FLNA: variants seen among roughly 807,000 people sequenced by gnomAD.
FLNA encodes the protein filamin A.
In FLNA, 7 loss-of-function variants were observed where a neutral mutation model predicts 157.6. The ratio of observed to expected loss-of-function variants is 0.04; its 90% CI spans 0.03 to 0.08. FLNA has a LOEUF of 0.08. Among genes scored for constraint, FLNA ranks in the 10% least tolerant of loss-of-function variants. The pLI, the probability that FLNA is intolerant of heterozygous loss-of-function variation, is 1.00. For synonymous variants in FLNA, 1,103 were observed against 1,060.8 expected (o/e 1.04, Z -0.77); for missense variants, 1,750 against 2,398.4 (o/e 0.73, Z 5.65).
At chrX:154,367,363 G>T (rs782566665) in intron 5 of FLNA, 34 bp downstream of exon 5, 4 of 1,202,149 alleles carry the variant, frequency 3.3e-6, no homozygotes, top group Non-Finnish European at 1.1e-6. Context: ...GAAGACGTTG[G>T]CACACGGGTG....
rs2067643018 is a variant in FLNA at position 154,354,002 on chromosome X, G to A, written c.5599C>T (p.His1867Tyr). 3 of 1,211,794 alleles carry A rather than the reference G, an allele frequency of 2.5e-6. No individual in the cohort carries two copies. The highest frequency in any genetic ancestry group is 2.2e-6 in the Non-Finnish European group (2 of 895,332). The part of the protein sequence containing the change: ...QFYVDYVNCG[H>Y]VTAYGPGLTH... ...AGGCCAGGCCCATAGGCAGTGACAT[G>A]GCCACAGTTGACGTAATCCACATAG... The change falls in exon 35 of 48, where the codon CAT (histidine) becomes TAT (tyrosine). Residue 1867 changes from histidine to tyrosine, a missense_variant. Coordinates refer to ENST00000369850, the MANE Select transcript of FLNA (RefSeq NM_001110556.2).
chrX:154,369,366 G>C (rs1261510882), intron 2 of FLNA, among the ~76,000 whole-genome samples: 1 of 111,869 alleles, frequency 8.9e-6, no homozygotes, highest in Non-Finnish European at 1.9e-5. Context: ...ACCCCTCAAC[G>C]ACCCCCACAC....
chrX:154,373,472 G>A (rs960160109), intron 1 of FLNA, among the ~76,000 whole-genome samples: 3 of 112,425 alleles, frequency 2.7e-5, no homozygotes, highest in Admixed American at 9.4e-5. Flanking sequence ...GATGTCGCCC[G>A]ATCCCAAAGC....
chrX:154,351,976 G>A lies in FLNA; in HGVS notation c.6815C>T (p.Ala2272Val), dbSNP rs2148103538. 8.3e-7 allele frequency: 1 copy of A among 1,211,227 alleles called. No homozygotes were observed. Among genetic ancestry groups the A allele is most frequent in the Non-Finnish European group, 1.1e-6 (1 of 895,095 alleles). The change falls in exon 42 of 48, where the codon GCC becomes GTC. Residue 2272 changes from alanine (A) to valine (V), a missense_variant. Physicochemically the swap from Ala to Val is moderately conservative, Grantham distance 64. Around this residue, in one of 5 missense-constraint regions of FLNA, gnomAD observed 970 missense variants for 1,302.6 expected, o/e 0.74. Coordinates refer to ENST00000369850, the MANE Select transcript of FLNA (RefSeq NM_001110556.2). Reference sequence around the variant, plus strand: ...CTTGCTGGGGCCCTCGACAGCAATGGCCAGGCCTCCAGCACCAGCTTCCCG... The same window carrying A: ...CTTGCTGGGGCCCTCGACAGCAATGACCAGGCCTCCAGCACCAGCTTCCCG... ...WTREAGAGGL[A>V]IAVEGPSKAE...
In FLNA at chrX:154,355,081, G is replaced by T. The variant is rs1557176665; in HGVS notation, c.4970-9C>A. 8.3e-7 allele frequency: 1 copy of T among 1,200,820 alleles called. No individual in the cohort carries two copies. Among genetic ancestry groups the T allele is most frequent in the Admixed American group, 2.2e-5 (1 of 45,824 alleles). On this transcript the variant is annotated splice_polypyrimidine_tract_variant and intron_variant, in intron 30 of 47. Coordinates refer to ENST00000369850, the MANE Select transcript of FLNA (RefSeq NM_001110556.2). ...GGGGCCGATGCCAGCACCTGGTGGG[G>T]CAGGGTGGGTCCCCAAAGGGGGGCC...
intron 30 of FLNA, 142 bp downstream of exon 30, chrX:154,357,109 G>A (rs1421579123): frequency 4.6e-5 from 26 of 567,159 alleles, no homozygotes; most frequent in East Asian, 2.2e-4. Context: ...TCCAGCCCAC[G>A]GCCTCATCTT....
At chrX:154,363,934 T>C in intron 15 of FLNA, 88 bp downstream of exon 15, 1 of 1,010,030 alleles carries the variant, frequency 9.9e-7, no homozygotes, top group Non-Finnish European at 1.4e-6. Context: ...GGAGTCAGGA[T>C]GGTGTGCCAC....
rs2067618488 is a variant in FLNA, at chrX:154,351,467, C to G, written c.7023+114G>C. The G allele has an allele frequency of 2.1e-5, 11 of 534,530 alleles. No individual in the cohort carries two copies. In the East Asian group the frequency reaches 4.0e-4, roughly 19 times the overall value. The allele number at this position is 534,530 out of a possible 1,213,427, so 44.1% of individuals were successfully genotyped here. ...CCCGGCCAGAGCAGAGGCCTGGAAC[C>G]CAGAGCTGGGCCAGGGGGGTCACTG... On this transcript the variant is annotated intron_variant, in intron 43 of 47. Transcript: ENST00000369850.
intron 30 of FLNA, 116 bp from the exon 31 acceptor site, chrX:154,355,188 G>T: frequency 1.3e-6 from 1 of 788,694 alleles, no homozygotes; most frequent in Non-Finnish European, 1.8e-6. Context: ...AGCACAGCCA[G>T]GCCGCCAGGC....
chrX:154,354,803 C>A lies in FLNA; in HGVS notation c.5217+22G>T, dbSNP rs782465982. On this transcript the variant is annotated intron_variant, in intron 31 of 47. Coordinates refer to ENST00000369850, the MANE Select transcript of FLNA (RefSeq NM_001110556.2). ...GGGACCTGCCAGACACCCCTGCTGACCTACCCCCCACCCCTCCTCACCGTC... is the reference window on the plus strand; with the variant it reads ...GGGACCTGCCAGACACCCCTGCTGAACTACCCCCCACCCCTCCTCACCGTC... 10 of 1,210,465 alleles carry A rather than the reference C, an allele frequency of 8.3e-6. No individual in the cohort carries two copies. The South Asian group carries it at 1.6e-4, about 19-fold the overall frequency.
In FLNA at chrX:154,366,868, G is replaced by A. The variant is rs2067766308; in HGVS notation, c.869-18C>T. 1 of 1,147,874 alleles carries A rather than the reference G, an allele frequency of 8.7e-7. No individual in the cohort carries two copies. Among genetic ancestry groups the A allele is most frequent in the African/African-American group, 1.8e-5 (1 of 56,175 alleles). The allele number at this position is 1,147,874 out of a possible 1,213,427, so 94.6% of individuals were successfully genotyped here. A position where few individuals can be genotyped will look rare whatever the true frequency, so the allele number is the denominator to read the frequency against. ...CTCGATGCCTGGCAGGGGAAGGCGA[G>A]CCAACCACGGGCCAGCTGTTAAGGC... On this transcript the variant is annotated intron_variant, in intron 5 of 47. Coordinates refer to ENST00000369850, the MANE Select transcript of FLNA (RefSeq NM_001110556.2).
intron 1 of FLNA, among the ~76,000 whole-genome samples, chrX:154,372,728 GT>G (rs59074156): frequency 0.23 from 22,311 of 98,102 alleles, 2,059 homozygotes; most frequent in South Asian, 0.52. Context: ...TCCTCTGAGT[GT>G]TTTTTTTTTT....
At chrX:154,349,124 C>T (rs1386856104) in intron 47 of FLNA, 88 bp from the exon 48 acceptor site, 6 of 974,808 alleles carry the variant, frequency 6.2e-6, no homozygotes, top group Non-Finnish European at 7.1e-6. Flanking sequence ...TAAGCCAGTT[C>T]TGGGGTGACA....
chrX:154,352,522 G>A, intron 40 of FLNA, 31 bp downstream of exon 40: 1 of 1,211,369 alleles, frequency 8.3e-7, no homozygotes, highest in Non-Finnish European at 1.1e-6. Context: ...TGAGCCCCAG[G>A]ACCCCTCCCC....
chrX:154,367,364 C>T (rs371025522), intron 5 of FLNA, 33 bp downstream of exon 5: 35 of 1,203,905 alleles, frequency 2.9e-5, no homozygotes, highest in Non-Finnish European at 3.7e-5. Context: ...AAGACGTTGG[C>T]ACACGGGTGC....
chrX:154,370,178 A>G (rs2067794110), intron 2 of FLNA, among the ~76,000 whole-genome samples: 1 of 112,400 alleles, frequency 8.9e-6, no homozygotes, highest in Non-Finnish European at 1.9e-5. Context: ...CAAGGCCTAC[A>G]TGGAAGCAAG....
chrX:154,370,169 A>C (rs2067794063), intron 2 of FLNA, among the ~76,000 whole-genome samples: 1 of 112,459 alleles, frequency 8.9e-6, no homozygotes, highest in East Asian at 2.8e-4. Context: ...GCAGAAAAGC[A>C]AGGCCTACAT....
chrX:154,357,630 G>A lies in FLNA; in HGVS notation c.4756-7C>T. ...TCGGCTTGCCTTCGGGATCCTGTGT[G>A]GCAGAGGCAGGGGAGGCAGTTGGCC... On this transcript the variant is annotated splice_polypyrimidine_tract_variant and splice_region_variant and intron_variant, in intron 28 of 47. Transcript: ENST00000369850. 4 of 1,209,374 alleles carry A rather than the reference G, an allele frequency of 3.3e-6. No individual in the cohort carries two copies. The highest frequency in any genetic ancestry group is 3.4e-6 in the Non-Finnish European group (3 of 893,861).
At chrX:154,369,800 G>T (rs1557180005) in intron 2 of FLNA, among the ~76,000 whole-genome samples, 1 of 112,037 alleles carries the variant, frequency 8.9e-6, no homozygotes, top group Non-Finnish European at 1.9e-5. Context: ...GCCTCAACTG[G>T]CATTCCAAAG....
Sources: gnomAD v4.1 joint callset for allele counts (sites outside exome capture counted in the v4.1 genomes callset) on GRCh38, gnomAD v4.1.1 for gene constraint, gnomAD v4.1.1 regional missense constraint, MANE v1.5 for transcripts, NCBI Gene and HGNC (gene_info 2026-07-23, HGNC 2026-07-21) for gene names.